Variants in FOXN3 observed in about 807,000 individuals in gnomAD.
The protein encoded by FOXN3 is forkhead box N3.
FOXN3 carries 7 observed loss-of-function variants against 38.4 expected under a neutral mutation model. The ratio of observed to expected loss-of-function variants is 0.18; its 90% CI spans 0.10 to 0.34. The LOEUF (loss-of-function observed/expected upper bound fraction) is 0.34, where lower values mean the gene tolerates loss of function less well. FOXN3 is among the 10% of genes least tolerant of loss of function. The pLI is 1.00. For synonymous variants in FOXN3, 230 were observed against 242.2 expected (o/e 0.95, Z 0.47); for missense variants, 456 against 613.4 (o/e 0.74, Z 2.71).
Position 89,290,250 on chromosome 14 carries a change from C to A in FOXN3, c.681-9236G>T, listed in dbSNP as rs1297031842. On this transcript the variant is annotated intron_variant, in intron 3 of 5. Transcript: ENST00000557258. ...CATGCTGTCTTGAACTGCTCAGGGA[C>A]AGGAAATTCTCTGTCATTACCACCC... 9.3e-6 allele frequency: 3 copies of A among 323,460 alleles called. No individual in the cohort carries two copies. The Admixed American group carries it at 1.2e-4, about 12-fold the overall frequency. The allele number at this position is 323,460 out of a possible 1,614,324, so 20.0% of individuals were successfully genotyped here. A position where few individuals can be genotyped will look rare whatever the true frequency, so the allele number is the denominator to read the frequency against.
intron 1 of FOXN3, among the ~76,000 whole-genome samples, chr14:89,613,194 A>C (rs1345757848): frequency 6.6e-6 from 1 of 151,148 alleles, no homozygotes; most frequent in African/African-American, 2.4e-5. Flanking sequence ...ATCCCTCTCC[A>C]AGTGGGACCT....
chr14:89,376,647 G>A (rs1404180324), intron 2 of FOXN3, among the ~76,000 whole-genome samples: 3 of 152,226 alleles, frequency 2.0e-5, no homozygotes, highest in Admixed American at 1.3e-4. Context: ...CAGACTTAGC[G>A]TCACTAACAG....
chr14:89,185,608 C>G (rs1887784637), intron 4 of FOXN3: 1 of 152,318 alleles, frequency 6.6e-6, no homozygotes, highest in South Asian at 2.1e-4. Flanking sequence ...AAGTCAACTT[C>G]TTCCTCGGAT....
At chr14:89,420,872 C>G (rs1366763566), upstream of FOXN3, among the ~76,000 whole-genome samples, 1 of 129,000 alleles carries the variant, frequency 7.8e-6, no homozygotes, top group African/African-American at 3.0e-5. Flanking sequence ...GTTGTATTAT[C>G]AGAGATACGA....
At chr14:89,540,123 T>C (rs969808954) in intron 1 of FOXN3, among the ~76,000 whole-genome samples, 1 of 152,194 alleles carries the variant, frequency 6.6e-6, no homozygotes, top group African/African-American at 2.4e-5. Context: ...CTCCTTCAAA[T>C]TGGTGTTTGC....
In FOXN3 at chr14:89,274,554, G is replaced by T. The variant is rs572781768; in HGVS notation, c.745+6396C>A. Among the ~76,000 whole-genome samples, 6 of 152,176 alleles carry T rather than the reference G, an allele frequency of 3.9e-5. No homozygotes were observed. The South Asian group carries it at 1.3e-3, about 32-fold the overall frequency. On this transcript the variant is annotated intron_variant, in intron 4 of 5. Coordinates refer to ENST00000557258, the MANE Select transcript of FOXN3 (RefSeq NM_005197.4). ...AACGGGGTTGTGAGAAACACATCTCGCAGGCCCATTTTACAGGCAATCAAA... is the reference window on the plus strand; with the variant it reads ...AACGGGGTTGTGAGAAACACATCTCTCAGGCCCATTTTACAGGCAATCAAA...
At chr14:89,372,214 T>C (rs954002551) in intron 2 of FOXN3, among the ~76,000 whole-genome samples, 2 of 152,038 alleles carry the variant, frequency 1.3e-5, no homozygotes, top group Admixed American at 6.6e-5. Context: ...AAAAAAAATA[T>C]GCCACCGAAA....
chr14:89,601,888 T>C (rs1187814197), intron 1 of FOXN3, among the ~76,000 whole-genome samples: 1 of 152,042 alleles, frequency 6.6e-6, no homozygotes, highest in Admixed American at 6.6e-5. Context: ...TATTTCCAGG[T>C]AGAGTAAATG....
chr14:89,592,190 T>C (rs1484280820), intron 1 of FOXN3, among the ~76,000 whole-genome samples: 1 of 151,920 alleles, frequency 6.6e-6, no homozygotes, highest in Non-Finnish European at 1.5e-5. Flanking sequence ...AAAAAGATGA[T>C]TAAGAAAAGA....
chr14:89,391,849 T>C (rs1180120294), intron 2 of FOXN3, among the ~76,000 whole-genome samples: 2 of 152,040 alleles, frequency 1.3e-5, no homozygotes, highest in Non-Finnish European at 2.9e-5. Context: ...TACTAAAATG[T>C]AAAAGAAATT....
At chr14:89,246,089 G>A (rs1885287003) in intron 4 of FOXN3, among the ~76,000 whole-genome samples, 1 of 152,056 alleles carries the variant, frequency 6.6e-6, no homozygotes, top group Non-Finnish European at 1.5e-5. Flanking sequence ...TGTGCTGATG[G>A]CTGCACAACT....
intron 1 of FOXN3, among the ~76,000 whole-genome samples, chr14:89,547,418 C>T (rs1894909297): frequency 6.6e-6 from 1 of 151,908 alleles, no homozygotes; most frequent in Non-Finnish European, 1.5e-5. Context: ...CCATGCGTGG[C>T]TAATTGTTTT....
chr14:89,222,359 C>G (rs1884494909), intron 4 of FOXN3, among the ~76,000 whole-genome samples: 1 of 152,176 alleles, frequency 6.6e-6, no homozygotes, highest in Non-Finnish European at 1.5e-5. Context: ...CACAATTCCA[C>G]AGAGTTTCAA....
At position 89,280,935 on chromosome 14, in the gene FOXN3, T is replaced by C; in HGVS notation, c.745+15A>G. On this transcript the variant is annotated intron_variant, in intron 4 of 5. Coordinates refer to ENST00000557258, the MANE Select transcript of FOXN3 (RefSeq NM_005197.4). ...TGAGGGGGAGGGAGAGGAAGGGGTG[T>C]TACTAGGGACCTACCTTGGAGAAGG... is the stretch of plus-strand genomic sequence containing the variant. 6.2e-7 allele frequency: 1 copy of C among 1,610,998 alleles called. No homozygotes were observed. The highest frequency in any genetic ancestry group is 8.5e-7 in the Non-Finnish European group (1 of 1,177,724).
rs141323516 is a variant in FOXN3 at position 89,276,248 on chromosome 14, C to T, written c.745+4702G>A. Among the ~76,000 whole-genome samples, 926 of 152,280 alleles carry T rather than the reference C, an allele frequency of 6.1e-3. 8 individuals carry two copies. Among genetic ancestry groups the T allele is most frequent in the African/African-American group, 0.021 (878 of 41,550 alleles). On this transcript the variant is annotated intron_variant, in intron 4 of 5. Transcript: ENST00000557258. ...GAGCCAAGATCACACCACTTGCACA[C>T]CAGCCTGGGCGACAAGAGCAAGACT...
chr14:89,390,939 G>A (rs965678927), intron 2 of FOXN3, among the ~76,000 whole-genome samples: 1 of 152,316 alleles, frequency 6.6e-6, no homozygotes, highest in African/African-American at 2.4e-5. Flanking sequence ...CCTCAGAACA[G>A]ATGAGTCGAA....
chr14:89,507,088 TC>T (rs1893956399), intron 1 of FOXN3, among the ~76,000 whole-genome samples: 1 of 108,766 alleles, frequency 9.2e-6, no homozygotes, highest in Non-Finnish European at 1.9e-5. Flanking sequence ...CCCTGCCAAA[TC>T]CCCCTCTGCG....
At chr14:89,466,713 G>C (rs1161736846) in intron 1 of FOXN3, among the ~76,000 whole-genome samples, 1 of 152,140 alleles carries the variant, frequency 6.6e-6, no homozygotes, top group Non-Finnish European at 1.5e-5. Flanking sequence ...CACCCCTCTA[G>C]CACGGCACAG....
At chr14:89,544,881 C>A (rs1308313940) in intron 1 of FOXN3, among the ~76,000 whole-genome samples, 2 of 152,198 alleles carry the variant, frequency 1.3e-5, no homozygotes, top group Non-Finnish European at 2.9e-5. Context: ...CAAGGTGCAA[C>A]TGAAATATAC....
Sources: gnomAD v4.1 joint callset for allele counts (sites outside exome capture counted in the v4.1 genomes callset) on GRCh38, gnomAD v4.1.1 for gene constraint, MANE v1.5 for transcripts, NCBI Gene and HGNC (gene_info 2026-07-23, HGNC 2026-07-21) for gene names.